MTCL1: variants seen among roughly 807,000 people sequenced by gnomAD.
MTCL1 encodes microtubule cross-linking factor 1.
A neutral mutation model predicts 141.4 loss-of-function variants in MTCL1; 79 were observed. That is an observed-to-expected ratio of 0.56 (90% confidence interval 0.47 to 0.67). The LOEUF (loss-of-function observed/expected upper bound fraction) is 0.67, where lower values mean the gene tolerates loss of function less well. MTCL1 is among the 30% of genes least tolerant of loss of function. MTCL1 has a pLI of 0.00. For synonymous variants in MTCL1, 914 were observed against 875.8 expected, an observed-to-expected ratio of 1.04 and a Z score of -0.77; for missense variants, 2,177 against 2,113.9, an observed-to-expected ratio of 1.03 and a Z score of -0.59.
chr18:8,800,683 G>A (rs62086599), intron 10 of MTCL1: 8,836 of 152,136 alleles, frequency 0.058, 321 homozygotes, highest in Middle Eastern at 0.11. Flanking sequence ...CAAGACTCAC[G>A]CCACTGCGTT....
At chr18:8,774,285 T>A (rs909997132) in intron 4 of MTCL1, among the ~76,000 whole-genome samples, 5 of 152,074 alleles carry the variant, frequency 3.3e-5, no homozygotes, top group African/African-American at 1.2e-4. Context: ...TATTTTTTTT[T>A]AAGGAATTTG....
At chr18:8,794,492 C>T (rs892034620) in intron 8 of MTCL1, among the ~76,000 whole-genome samples, 1 of 152,174 alleles carries the variant, frequency 6.6e-6, no homozygotes, top group South Asian at 2.1e-4. Context: ...GGCCTAGGCG[C>T]GGTGCTGCTG....
At chr18:8,750,336 G>C (rs979208399) in intron 4 of MTCL1, among the ~76,000 whole-genome samples, 4 of 152,228 alleles carry the variant, frequency 2.6e-5, no homozygotes, top group Admixed American at 2.6e-4. Flanking sequence ...GTGAGTCTCT[G>C]TGCCCGGCCA....
intron 8 of MTCL1, among the ~76,000 whole-genome samples, chr18:8,795,887 T>G (rs2075900076): frequency 1.3e-5 from 2 of 152,192 alleles, no homozygotes; most frequent in East Asian, 3.9e-4. Context: ...GGAAGTGGAA[T>G]CTGCTTACAC....
upstream of MTCL1, among the ~76,000 whole-genome samples, chr18:8,716,722 TA>T (rs2096130764): frequency 6.6e-6 from 1 of 152,052 alleles, no homozygotes; most frequent in Non-Finnish European, 1.5e-5. Context: ...AATGGACAAT[TA>T]GGGTGTCTGA....
rs1265510929 is a variant in MTCL1, at chr18:8,718,410, T to C, written c.-27-14T>C. 6.2e-7 allele frequency: 1 copy of C among 1,612,218 alleles called. No individual in the cohort carries two copies. The highest frequency in any genetic ancestry group is 8.5e-7 in the Non-Finnish European group (1 of 1,178,306). ...GTACTTGGCTCATAAATCTTCTCTG[T>C]CTGATTTGCATAGGATGAGTTAGAT... On this transcript the variant is annotated splice_polypyrimidine_tract_variant and intron_variant, in intron 2 of 16. Coordinates refer to ENST00000359865, the Ensembl canonical transcript of MTCL1.
chr18:8,726,481 G>GAT (rs2096213191), intron 4 of MTCL1, among the ~76,000 whole-genome samples: 2 of 114,478 alleles, frequency 1.7e-5, no homozygotes, highest in South Asian at 2.6e-4. Flanking sequence ...AGGAGAGAGA[G>GAT]AGAGAGAGAG....
At chr18:8,826,165 A>G (rs1186993530) in exon 15 of MTCL1, 1 of 1,612,666 alleles carries the variant, frequency 6.2e-7, no homozygotes, top group South Asian at 1.1e-5. Context: ...CAGGCTGCCC[A>G]CGGGCCCCCG....
chr18:8,804,798 C>T (rs1388746492), intron 10 of MTCL1, among the ~76,000 whole-genome samples: 1 of 152,116 alleles, frequency 6.6e-6, no homozygotes, highest in Non-Finnish European at 1.5e-5. Flanking sequence ...TGAGACCAGC[C>T]TGAGCAACAT....
At chr18:8,746,628 C>T (rs115233483) in intron 4 of MTCL1, among the ~76,000 whole-genome samples, 1,789 of 152,202 alleles carry the variant, frequency 0.012, 40 homozygotes, top group African/African-American at 0.037. Context: ...GCACGGAAGC[C>T]TTCTCTCGAG....
intron 2 of MTCL1, 145 bp from the exon 2 acceptor site, chr18:8,718,279 G>T: frequency 1.3e-6 from 1 of 751,108 alleles, no homozygotes; most frequent in East Asian, 2.7e-5. Flanking sequence ...AGGTTCTGGT[G>T]CCTGTCACCC....
intron 4 of MTCL1, among the ~76,000 whole-genome samples, chr18:8,742,888 A>G (rs1273839429): frequency 1.3e-5 from 2 of 152,236 alleles, no homozygotes; most frequent in African/African-American, 4.8e-5. Context: ...CTACAATAAT[A>G]CTGTGGACTT....
chr18:8,821,124 G>A (rs747707719), intron 13 of MTCL1, among the ~76,000 whole-genome samples: 5 of 152,134 alleles, frequency 3.3e-5, no homozygotes, highest in Non-Finnish European at 7.4e-5. Context: ...CACTTAGGTT[G>A]TTACAAATCC....
intron 4 of MTCL1, among the ~76,000 whole-genome samples, chr18:8,763,789 A>G (rs1158908011): frequency 6.6e-6 from 1 of 152,182 alleles, no homozygotes; most frequent in Non-Finnish European, 1.5e-5. Context: ...CTCATCCTAT[A>G]AATTGTATGT....
chr18:8,825,425 G>A, exon 15 of MTCL1: 1 of 1,554,506 alleles, frequency 6.4e-7, no homozygotes, highest in Non-Finnish European at 8.7e-7. Flanking sequence ...TGCAAGTCAA[G>A]GACATGGCCT....
upstream of MTCL1, among the ~76,000 whole-genome samples, chr18:8,715,861 T>C (rs2096125440): frequency 6.6e-6 from 1 of 152,192 alleles, no homozygotes; most frequent in South Asian, 2.1e-4. Flanking sequence ...AACAACCTCC[T>C]GTTTGTGGAA....
intron 4 of MTCL1, among the ~76,000 whole-genome samples, chr18:8,767,756 GAA>G (rs376600763): frequency 7.3e-6 from 1 of 136,254 alleles, no homozygotes. Flanking sequence ...TTTCTGATTT[GAA>G]AAAAAAAAAA....
At chr18:8,825,268 C>A in exon 15 of MTCL1, 1 of 1,573,710 alleles carries the variant, frequency 6.4e-7, no homozygotes, top group Non-Finnish European at 8.6e-7. Context: ...GTGGAGGGGG[C>A]ACGGCGCCCC....
At chr18:8,705,585 ACGCCGC>A (rs529374906), upstream of MTCL1, 84,180 of 1,137,014 alleles carry the variant, frequency 0.074, 3,377 homozygotes, top group East Asian at 0.15. This position sits in a 1 kb window ranked among gnomAD's most constrained non-coding sequence, Gnocchi z 5.2. Flanking sequence ...GGGAGGCTGC[ACGCCGC>A]CGCCGCCGCC....
Sources: gnomAD v4.1 joint callset for allele counts (sites outside exome capture counted in the v4.1 genomes callset) on GRCh38, gnomAD v4.1.1 for gene constraint, Gnocchi (gnomAD v3.1) non-coding constraint, MANE v1.5 for transcripts, NCBI Gene and HGNC (gene_info 2026-07-23, HGNC 2026-07-21) for gene names.